The following KIRREL3 variants were observed in gnomAD, a reference collection of about 807,000 sequenced individuals.
KIRREL3 encodes kin of IRRE-like protein 3.
Under a neutral mutation model 89.7 loss-of-function variants are expected in KIRREL3, and 36 were observed. The ratio of observed to expected loss-of-function variants is 0.40; its 90% CI spans 0.31 to 0.53. The LOEUF (loss-of-function observed/expected upper bound fraction) is 0.53. KIRREL3 is among the 20% of genes least tolerant of loss of function. The pLI, the probability that KIRREL3 is intolerant of heterozygous loss-of-function variation, is 0.49. For missense variants in KIRREL3, 864 were observed against 1,056.6 expected, an observed-to-expected ratio of 0.82 and a Z score of 2.53; for synonymous variants, 445 against 441.4, an observed-to-expected ratio of 1.01 and a Z score of -0.10.
At chr11:126,509,868 A>G (rs1354729432) in intron 4 of KIRREL3, among the ~76,000 whole-genome samples, 2 of 152,008 alleles carry the variant, frequency 1.3e-5, no homozygotes, top group Non-Finnish European at 2.9e-5. Flanking sequence ...GTGGTGGTGC[A>G]CATCTGTAAT....
chr11:126,488,759 C>G (rs1957431867), intron 4 of KIRREL3, among the ~76,000 whole-genome samples: 1 of 152,240 alleles, frequency 6.6e-6, no homozygotes, highest in African/African-American at 2.4e-5. Context: ...TCTGGCCTCT[C>G]CCTGCTCCTA....
chr11:126,825,335 A>G (rs962345167), intron 1 of KIRREL3, among the ~76,000 whole-genome samples: 1 of 152,240 alleles, frequency 6.6e-6, no homozygotes, highest in Non-Finnish European at 1.5e-5. Flanking sequence ...ATGAATATAA[A>G]ACAAAATACC....
intron 1 of KIRREL3, among the ~76,000 whole-genome samples, chr11:126,950,268 G>A (rs2135144418): frequency 6.6e-6 from 1 of 152,316 alleles, no homozygotes; most frequent in South Asian, 2.1e-4. Flanking sequence ...TCAGGAGGCT[G>A]AGGCAGGAGA....
rs1215531673 is a variant in KIRREL3, at chr11:126,508,181, A to G, written c.433+13134T>C. 2.6e-5 allele frequency among the ~76,000 whole-genome samples: 4 copies of G among 152,186 alleles called. No individual in the cohort carries two copies. Among genetic ancestry groups the G allele is most frequent in the Non-Finnish European group, 4.4e-5 (3 of 68,048 alleles). On this transcript the variant is annotated intron_variant, in intron 4 of 16. Transcript: ENST00000525144. This position sits in a 1 kb window ranked among gnomAD's most constrained non-coding sequence, Gnocchi z 4.9. ...TGAAAACCTCTTCCTTTATATAAAC[A>G]TTTATAAACACCTGGATCGACTTGT...
In KIRREL3 at chr11:126,747,890, C is replaced by T. The variant is rs142887115; in HGVS notation, c.56-184978G>A. Among the ~76,000 whole-genome samples the T allele has an allele frequency of 6.6e-6, 1 of 152,134 alleles. No homozygotes were observed. Among genetic ancestry groups the T allele is most frequent in the East Asian group, 1.9e-4 (1 of 5,154 alleles). The stretch of plus-strand genomic sequence containing the variant: ...AACCTCAGGTCAACTGGAAGACTCC[C>T]CTCCAGACAGGCGTTGCGGTCTTTC... On this transcript the variant is annotated intron_variant, in intron 1 of 16. Transcript: ENST00000525144. The surrounding 1 kb of genome is among the most constrained non-coding windows in gnomAD (Gnocchi z 4.7).
chr11:126,979,236 G>C (rs1224949414), intron 1 of KIRREL3, among the ~76,000 whole-genome samples: 1 of 152,174 alleles, frequency 6.6e-6, no homozygotes, highest in East Asian at 1.9e-4. Context: ...GAAATGAATA[G>C]AAATGAGAGT....
chr11:126,593,550 G>T (rs755520308), intron 1 of KIRREL3, among the ~76,000 whole-genome samples: 6 of 152,214 alleles, frequency 3.9e-5, no homozygotes, highest in Non-Finnish European at 8.8e-5. Context: ...TGGACCTGTG[G>T]CCTGCTGTCT....
intron 8 of KIRREL3, 117 bp from the exon 9 acceptor site, chr11:126,447,003 C>T (rs751395036): frequency 5.5e-5 from 68 of 1,238,990 alleles, no homozygotes; most frequent in Non-Finnish European, 7.2e-5. Context: ...CAGTGGGGTA[C>T]TTGTGCCACC....
intron 1 of KIRREL3, among the ~76,000 whole-genome samples, chr11:126,922,647 GA>G (rs1947400019): frequency 6.6e-6 from 1 of 151,780 alleles, no homozygotes. Context: ...TCTCAGTAGG[GA>G]AAGTCTCTAA....
In KIRREL3 at chr11:126,677,789, G is replaced by A. The variant is rs185222561; in HGVS notation, c.56-114877C>T. Reference sequence around the variant, plus strand: ...ACTGCACATTTGTCCACTGGTTGGAGTGAGCCTCCCCCTTTTACTGCATCT... The same window carrying A: ...ACTGCACATTTGTCCACTGGTTGGAATGAGCCTCCCCCTTTTACTGCATCT... On this transcript the variant is annotated intron_variant, in intron 1 of 16. Transcript: ENST00000525144. The surrounding 1 kb of genome is among the most constrained non-coding windows in gnomAD (Gnocchi z 5.1). Among the ~76,000 whole-genome samples the A allele has an allele frequency of 2.6e-5, 4 of 152,284 alleles. No individual in the cohort carries two copies. The East Asian group carries it at 7.7e-4, about 29-fold the overall frequency.
At position 126,569,541 on chromosome 11, in the gene KIRREL3, C is replaced by A. The variant is rs1344426972; in HGVS notation, c.56-6629G>T. On this transcript the variant is annotated intron_variant, in intron 1 of 16. Transcript: ENST00000525144. The surrounding 1 kb of genome is among the most constrained non-coding windows in gnomAD (Gnocchi z 6.5). Reference sequence around the variant, plus strand: ...AGAGAAAAAAATAGTAGGCAAACTTCCTAGCCCAAAGATACTATAATCCAG... The same window carrying A: ...AGAGAAAAAAATAGTAGGCAAACTTACTAGCCCAAAGATACTATAATCCAG... Among the ~76,000 whole-genome samples, 1 of 152,206 alleles carries A rather than the reference C, an allele frequency of 6.6e-6. No individual in the cohort carries two copies. The highest frequency in any genetic ancestry group is 1.9e-4 in the East Asian group (1 of 5,196).
At position 126,990,109 on chromosome 11, in the gene KIRREL3, AG is replaced by A. The variant is rs1239354179; in HGVS notation, c.55+10345del. ...GGGGCACAGGCCTGGAGGCGGCTCT[AG>A]GGAGAGGTAGGGGCTCTGGGCTGGC... is the stretch of plus-strand genomic sequence containing the variant. On this transcript the variant is annotated intron_variant, in intron 1 of 16. Coordinates refer to ENST00000525144, the MANE Select transcript of KIRREL3 (RefSeq NM_032531.4). This position sits in a 1 kb window ranked among gnomAD's most constrained non-coding sequence, Gnocchi z 6.3. Among the ~76,000 whole-genome samples, 1 of 152,096 alleles carries A rather than the reference AG, an allele frequency of 6.6e-6. No individual in the cohort carries two copies. The highest frequency in any genetic ancestry group is 1.9e-4 in the East Asian group (1 of 5,164).
chr11:126,591,769 C>A (rs1565576865), intron 1 of KIRREL3, among the ~76,000 whole-genome samples: 1 of 152,230 alleles, frequency 6.6e-6, no homozygotes, highest in African/African-American at 2.4e-5. Context: ...CTTTACAGCT[C>A]ATACCGTGTT....
intron 1 of KIRREL3, among the ~76,000 whole-genome samples, chr11:126,928,907 T>C (rs1157722209): frequency 6.6e-6 from 1 of 152,148 alleles, no homozygotes; most frequent in African/African-American, 2.4e-5. Flanking sequence ...ACTATGGGCT[T>C]GGGAGCCATG....
Position 126,646,016 on chromosome 11 carries a change from T to G in KIRREL3, c.56-83104A>C, listed in dbSNP as rs368975681. 3.3e-5 allele frequency among the ~76,000 whole-genome samples: 5 copies of G among 152,350 alleles called. 1 individual carries two copies. Among genetic ancestry groups the G allele is most frequent in the African/African-American group, 1.2e-4 (5 of 41,588 alleles). On this transcript the variant is annotated intron_variant, in intron 1 of 16. Coordinates refer to ENST00000525144, the MANE Select transcript of KIRREL3 (RefSeq NM_032531.4). Reference sequence around the variant, plus strand: ...CTCTTGTCCTCAAAATGATTCTTCATGAGTTACCACCAGAGACGTTTTCAT... The same window carrying G: ...CTCTTGTCCTCAAAATGATTCTTCAGGAGTTACCACCAGAGACGTTTTCAT...
At chr11:126,866,665 T>C (rs1944936436) in intron 1 of KIRREL3, among the ~76,000 whole-genome samples, 1 of 149,216 alleles carries the variant, frequency 6.7e-6, no homozygotes, top group Non-Finnish European at 1.5e-5. Context: ...CCACACACAC[T>C]GACCAGCCTA....
At chr11:126,502,763 G>A (rs567098682) in intron 4 of KIRREL3, among the ~76,000 whole-genome samples, 7 of 152,294 alleles carry the variant, frequency 4.6e-5, no homozygotes, top group African/African-American at 7.2e-5. Context: ...TCTCCAAAAG[G>A]TGATCTTTAA....
chr11:126,720,165 G>A (rs1302400778), intron 1 of KIRREL3, among the ~76,000 whole-genome samples: 1 of 152,182 alleles, frequency 6.6e-6, no homozygotes, highest in Non-Finnish European at 1.5e-5. Context: ...TTTGTAAATT[G>A]TCTGAGCTCC....
In KIRREL3 at chr11:126,995,475, C is replaced by G. The variant is rs1275633797; in HGVS notation, c.55+4980G>C. 2.7e-6 allele frequency: 1 copy of G among 376,050 alleles called. No individual in the cohort carries two copies. The highest frequency in any genetic ancestry group is 5.2e-6 in the Non-Finnish European group (1 of 191,810). 23.3% of individuals were successfully genotyped at this position (376,050 alleles called of 1,614,324 possible). ...TGCACTGTTTTTCACCTAAGGTCAT[C>G]TCGACAATTTACAAGGATAAGGATT... On this transcript the variant is annotated intron_variant, in intron 1 of 16. Coordinates refer to ENST00000525144, the MANE Select transcript of KIRREL3 (RefSeq NM_032531.4). The surrounding 1 kb of genome is among the most constrained non-coding windows in gnomAD (Gnocchi z 6.5).
Sources: gnomAD v4.1 joint callset for allele counts (sites outside exome capture counted in the v4.1 genomes callset) on GRCh38, gnomAD v4.1.1 for gene constraint, Gnocchi (gnomAD v3.1) non-coding constraint, MANE v1.5 for transcripts, NCBI Gene and HGNC (gene_info 2026-07-23, HGNC 2026-07-21) for gene names.